C4orf50: variants seen among roughly 807,000 people sequenced by gnomAD.
C4orf50 encodes uncharacterized protein C4orf50.
In C4orf50, 80 loss-of-function variants were observed where a neutral mutation model predicts 77.2. The ratio of observed to expected loss-of-function variants is 1.04; its 90% confidence interval spans 0.87 to 1.25. C4orf50 has a LOEUF of 1.25. Among genes scored for constraint, C4orf50 ranks in the 50% most tolerant of loss-of-function variants. C4orf50 has a pLI of 0.00. For synonymous variants in C4orf50, 532 were observed against 465.3 expected (o/e 1.14, Z -1.84); for missense variants, 1,257 against 1,152.9 (o/e 1.09, Z -1.31).
Position 5,988,729 on chromosome 4 carries a change from T to G in C4orf50, c.3317A>C (p.Gln1106Pro), listed in dbSNP as rs752780446. 3.3e-6 allele frequency: 5 copies of G among 1,536,136 alleles called. No homozygotes were observed. The South Asian group carries it at 5.9e-5, about 18-fold the overall frequency. The change falls in exon 28 of 34, where the codon CAG (glutamine) becomes CCG (proline). Residue 1106 changes from glutamine (Q) to proline (P), a missense_variant. Gln to Pro is a moderately conservative substitution (Grantham distance 76). Transcript: ENST00000531445. ...CAAACGCCCCTGATCCGTGCTCCTCTGCAAGGTGACTTCCCTCTCCAGGAC... is the reference window on the plus strand; with the variant it reads ...CAAACGCCCCTGATCCGTGCTCCTCGGCAAGGTGACTTCCCTCTCCAGGAC...
At chr4:5,902,696 A>G (rs1270483860) in intron 7 of C4orf50, 1 of 152,150 alleles carries the variant, frequency 6.6e-6, no homozygotes, top group African/African-American at 2.4e-5. Context: ...GTTGCCTGAC[A>G]TGGCCTGTGC....
chr4:5,998,483 A>G (rs751919824), intron 25 of C4orf50, among the ~76,000 whole-genome samples: 1 of 152,178 alleles, frequency 6.6e-6, no homozygotes, highest in East Asian at 1.9e-4. Context: ...CCCAGCAACA[A>G]AGAGATTCAC....
At chr4:5,994,742 T>C (rs529078432) in intron 25 of C4orf50, among the ~76,000 whole-genome samples, 1 of 152,284 alleles carries the variant, frequency 6.6e-6, no homozygotes, top group East Asian at 1.9e-4. Flanking sequence ...CAGAGGAGTA[T>C]GTCTGTCCAG....
intron 25 of C4orf50, among the ~76,000 whole-genome samples, chr4:5,995,610 G>A (rs542740521): frequency 3.3e-5 from 5 of 152,186 alleles, no homozygotes; most frequent in South Asian, 4.2e-4. Flanking sequence ...GCTCCAGCCC[G>A]GTGCTGTTGG....
chr4:5,917,648 G>C (rs542097488), intron 7 of C4orf50, among the ~76,000 whole-genome samples: 2 of 151,944 alleles, frequency 1.3e-5, no homozygotes, highest in Non-Finnish European at 2.9e-5. Flanking sequence ...TCTTGACCTC[G>C]TGATCCGCTC....
intron 25 of C4orf50, among the ~76,000 whole-genome samples, chr4:5,996,231 GT>G (rs768897281): frequency 5.9e-5 from 9 of 152,170 alleles, no homozygotes; most frequent in Admixed American, 1.3e-4. Flanking sequence ...ACACCTGGCT[GT>G]CACATCCTTC....
chr4:5,917,885 G>C (rs1050989121), intron 7 of C4orf50, among the ~76,000 whole-genome samples: 1 of 152,002 alleles, frequency 6.6e-6, no homozygotes, highest in African/African-American at 2.4e-5. Context: ...ATCATCCCAG[G>C]CCAAGCAGGG....
intron 33 of C4orf50, among the ~76,000 whole-genome samples, chr4:5,963,547 A>C (rs961372120): frequency 6.6e-6 from 1 of 152,220 alleles, no homozygotes; most frequent in Non-Finnish European, 1.5e-5. Flanking sequence ...TTGTCCCAAC[A>C]AGCCTGAGAG....
At chr4:5,948,897 G>T (rs1156615742) in intron 7 of C4orf50, among the ~76,000 whole-genome samples, 1 of 149,536 alleles carries the variant, frequency 6.7e-6, no homozygotes, top group African/African-American at 2.5e-5. Flanking sequence ...GGATGCAGAG[G>T]TTGCAGTGAG....
At chr4:5,917,600 G>T (rs576413636) in intron 7 of C4orf50, among the ~76,000 whole-genome samples, 20 of 151,932 alleles carry the variant, frequency 1.3e-4, no homozygotes, top group Admixed American at 2.0e-4. Context: ...TTTTAGTAGA[G>T]ACAGGGTTTC....
chr4:5,954,161 G>T (rs1718846495), downstream of C4orf50, among the ~76,000 whole-genome samples: 1 of 152,226 alleles, frequency 6.6e-6, no homozygotes, highest in South Asian at 2.1e-4. This position sits in a 1 kb window ranked among gnomAD's most constrained non-coding sequence, Gnocchi z 4.7. Context: ...CAGTCAGTGT[G>T]TGTGCCATGG....
At chr4:5,993,944 C>T (rs1053200253) in intron 26 of C4orf50, among the ~76,000 whole-genome samples, 6 of 151,772 alleles carry the variant, frequency 4.0e-5, no homozygotes, top group Non-Finnish European at 7.4e-5. Flanking sequence ...CTGCCAAGTG[C>T]GATTTTCACT....
chr4:5,929,193 C>T (rs28485181), intron 7 of C4orf50, among the ~76,000 whole-genome samples: 59,527 of 152,012 alleles, frequency 0.39, 12,047 homozygotes, highest in Non-Finnish European at 0.43. Flanking sequence ...CGATAAATCC[C>T]GCAATTGGTT....
chr4:5,974,412 G>A (rs1281231204), intron 30 of C4orf50, among the ~76,000 whole-genome samples: 1 of 150,472 alleles, frequency 6.6e-6, no homozygotes, highest in Non-Finnish European at 1.5e-5. Flanking sequence ...GTCTGCAGGG[G>A]CGCGGCAGGA....
chr4:5,994,060 T>C (rs1296116079), intron 26 of C4orf50, among the ~76,000 whole-genome samples: 1 of 152,120 alleles, frequency 6.6e-6, no homozygotes, highest in African/African-American at 2.4e-5. Context: ...TGCTGGCCTA[T>C]GAGGCCCCCT....
chr4:5,924,942 C>T (rs1290595704), intron 7 of C4orf50, among the ~76,000 whole-genome samples: 1 of 151,936 alleles, frequency 6.6e-6, no homozygotes, highest in Non-Finnish European at 1.5e-5. Flanking sequence ...GGAAGGAGCA[C>T]TTGGGTGGCA....
At chr4:5,933,599 C>T (rs1267042114) in intron 7 of C4orf50, among the ~76,000 whole-genome samples, 4 of 152,202 alleles carry the variant, frequency 2.6e-5, no homozygotes, top group East Asian at 1.9e-4. Context: ...CACCAGCACT[C>T]GGCCAGCACA....
At chr4:5,963,088 G>A (rs914537642) in intron 33 of C4orf50, among the ~76,000 whole-genome samples, 6 of 147,786 alleles carry the variant, frequency 4.1e-5, no homozygotes, top group East Asian at 2.2e-4. Flanking sequence ...TACAACCTCC[G>A]CCTCCCAGGT....
chr4:5,942,615 T>C (rs1718314572), intron 7 of C4orf50, among the ~76,000 whole-genome samples: 1 of 152,210 alleles, frequency 6.6e-6, no homozygotes, highest in Admixed American at 6.5e-5. Context: ...CTAAGCACTT[T>C]ACATATTTAG....
Sources: allele counts gnomAD v4.1 joint callset (sites outside exome capture counted in the v4.1 genomes callset), GRCh38; gene constraint gnomAD v4.1.1; non-coding constraint Gnocchi (gnomAD v3.1); transcripts MANE v1.5; gene names NCBI Gene and HGNC (gene_info 2026-07-23, HGNC 2026-07-21).